Variants in SLC24A2 observed in about 807,000 individuals in gnomAD.
The protein encoded by SLC24A2 is sodium/potassium/calcium exchanger 2.
SLC24A2 carries 36 observed loss-of-function variants against 62.0 expected under a neutral mutation model. The observed-to-expected ratio is 0.58, with a 90% CI of 0.44 to 0.77. The LOEUF is 0.77. Ranked by LOEUF, SLC24A2 falls within the 30% of genes least tolerant of loss-of-function variation. The pLI is 0.00. For missense variants in SLC24A2, 846 were observed against 817.9 expected, an observed-to-expected ratio of 1.03 and a Z score of -0.42; for synonymous variants, 358 against 294.0, an observed-to-expected ratio of 1.22 and a Z score of -2.23.
intron 8 of SLC24A2, 113 bp from the exon 9 acceptor site, chr9:19,528,251 T>C (rs571577653): frequency 1.3e-6 from 1 of 753,518 alleles, no homozygotes; most frequent in South Asian, 1.5e-5. Flanking sequence ...TCCTGCATCT[T>C]AGTAGGATTG....
intron 2 of SLC24A2, among the ~76,000 whole-genome samples, chr9:19,715,258 G>C (rs568029130): frequency 2.6e-5 from 4 of 152,212 alleles, no homozygotes; most frequent in African/African-American, 4.8e-5. Flanking sequence ...GAGTCCTCTT[G>C]TATTTTCTTT....
At position 19,514,278 on chromosome 9, in the gene SLC24A2, TAA is replaced by T. The variant is rs1162947655; in HGVS notation, c.*1873_*1874del. 6.6e-6 allele frequency: 1 copy of T among 152,100 alleles called. No homozygotes were observed. The highest frequency in any genetic ancestry group is 1.5e-5 in the Non-Finnish European group (1 of 68,026). The allele number at this position is 152,100 out of a possible 1,614,324, so 9.4% of individuals were successfully genotyped here. On this transcript the variant is annotated 3_prime_UTR_variant, in exon 11 of 11. Transcript: ENST00000341998. ...AGTTCTGCATCCTGTCCTCTTATGT[TAA>T]GAGGTATGTGCTCACAACAAAATCA...
chr9:19,858,854 G>C, the SLC24A2 span, among the ~76,000 whole-genome samples: 2 of 152,164 alleles, frequency 1.3e-5, no homozygotes, highest in African/African-American at 4.8e-5. Context: ...AATAGCAGAT[G>C]CTGGCAAGAT....
At chr9:19,919,128 C>T in the SLC24A2 span, among the ~76,000 whole-genome samples, 12 of 152,208 alleles carry the variant, frequency 7.9e-5, no homozygotes, top group South Asian at 4.2e-4. Flanking sequence ...GGAACCTATC[C>T]GAGCTTGCTT....
chr9:19,775,205 T>C (rs1587308548), intron 2 of SLC24A2, among the ~76,000 whole-genome samples: 1 of 152,214 alleles, frequency 6.6e-6, no homozygotes, highest in East Asian at 1.9e-4. Flanking sequence ...TCTGCATCAT[T>C]TGGTTTACAA....
At chr9:19,718,284 CTTTTTTTTT>C (rs71335446) in intron 2 of SLC24A2, among the ~76,000 whole-genome samples, 12 of 55,734 alleles carry the variant, frequency 2.2e-4, no homozygotes, top group African/African-American at 8.5e-4. Context: ...TGATTTAACA[CTTTTTTTTT>C]TTTTTTTTTT....
chr9:19,567,579 T>A (rs1015649038), intron 7 of SLC24A2, among the ~76,000 whole-genome samples: 1 of 150,848 alleles, frequency 6.6e-6, no homozygotes, highest in Non-Finnish European at 1.5e-5. Context: ...AGGAATATGT[T>A]CTTATAATTT....
chr9:19,528,942 T>G (rs1282368597), intron 8 of SLC24A2, among the ~76,000 whole-genome samples: 1 of 152,172 alleles, frequency 6.6e-6, no homozygotes, highest in Non-Finnish European at 1.5e-5. Flanking sequence ...TTTTAAAGTT[T>G]CCTAGAAATA....
intron 2 of SLC24A2, among the ~76,000 whole-genome samples, chr9:19,644,060 C>A (rs1463426338): frequency 1.3e-5 from 2 of 152,230 alleles, no homozygotes; most frequent in Non-Finnish European, 2.9e-5. Flanking sequence ...TAAAGACATT[C>A]CTGTTCACCT....
the SLC24A2 span, among the ~76,000 whole-genome samples, chr9:19,817,838 T>C: frequency 6.6e-6 from 1 of 152,180 alleles, no homozygotes; most frequent in African/African-American, 2.4e-5. Flanking sequence ...CAAGGGATCC[T>C]CCTGCCTCAG....
At chr9:19,723,899 A>G (rs1308485544) in intron 2 of SLC24A2, among the ~76,000 whole-genome samples, 2 of 152,144 alleles carry the variant, frequency 1.3e-5, no homozygotes, top group African/African-American at 4.8e-5. Context: ...TGAGTGCTGT[A>G]TAAGGTATGT....
At chr9:20,000,655 T>A in the SLC24A2 span, among the ~76,000 whole-genome samples, 1 of 152,178 alleles carries the variant, frequency 6.6e-6, no homozygotes, top group Non-Finnish European at 1.5e-5. Flanking sequence ...ATCTGCCACA[T>A]TTTTTTGCAC....
chr9:19,650,289 T>C (rs766960291), intron 2 of SLC24A2, among the ~76,000 whole-genome samples: 1 of 152,178 alleles, frequency 6.6e-6, no homozygotes, highest in East Asian at 1.9e-4. Context: ...GGAGTCTATG[T>C]TGGCAGTAAA....
the SLC24A2 span, among the ~76,000 whole-genome samples, chr9:19,805,126 T>C: frequency 6.6e-6 from 1 of 152,174 alleles, no homozygotes; most frequent in African/African-American, 2.4e-5. Context: ...ACATGATATG[T>C]GGTATAATGG....
At chr9:19,737,887 A>T (rs1821557125) in intron 2 of SLC24A2, among the ~76,000 whole-genome samples, 1 of 152,188 alleles carries the variant, frequency 6.6e-6, no homozygotes, top group African/African-American at 2.4e-5. Flanking sequence ...TATGCCAATG[A>T]AAAGAATCAC....
chr9:19,951,862 T>C, the SLC24A2 span, among the ~76,000 whole-genome samples: 1 of 152,152 alleles, frequency 6.6e-6, no homozygotes, highest in Non-Finnish European at 1.5e-5. Flanking sequence ...ATCAATTTCA[T>C]CTCTTACAAC....
At chr9:19,785,383 T>C (rs900857046) in intron 2 of SLC24A2, among the ~76,000 whole-genome samples, 2 of 152,212 alleles carry the variant, frequency 1.3e-5, no homozygotes, top group Non-Finnish European at 2.9e-5. Context: ...CCTGGTCAAG[T>C]GACCTAAGAC....
At chr9:20,120,031 A>T in the SLC24A2 span, among the ~76,000 whole-genome samples, 1 of 151,886 alleles carries the variant, frequency 6.6e-6, no homozygotes, top group African/African-American at 2.4e-5. Context: ...TCCCCTGACT[A>T]CTCCAGCTTC....
chr9:19,805,760 C>CTT, the SLC24A2 span, among the ~76,000 whole-genome samples: 1 of 140,524 alleles, frequency 7.1e-6, no homozygotes. Flanking sequence ...GAGCTTGATA[C>CTT]TTTTTTTTTT....
Sources: allele counts gnomAD v4.1 joint callset (sites outside exome capture counted in the v4.1 genomes callset), GRCh38; gene constraint gnomAD v4.1.1; transcripts MANE v1.5; gene names NCBI Gene and HGNC (gene_info 2026-07-23, HGNC 2026-07-21).